Variants in EGF observed in about 807,000 individuals in gnomAD.
EGF encodes the protein epidermal growth factor, also known as pro-epidermal growth factor.
Under a neutral mutation model 143.8 loss-of-function variants are expected in EGF, and 95 were observed. The observed-to-expected ratio is 0.66, with a 90% CI of 0.56 to 0.78. EGF has a LOEUF of 0.78. Ranked by LOEUF, EGF falls within the 30% of genes least tolerant of loss-of-function variation. The pLI is 0.00. For missense variants in EGF, 1,320 were observed against 1,470.9 expected (o/e 0.90, Z 1.68); for synonymous variants, 510 against 510.5 (o/e 1.00, Z 0.01).
In EGF at chr4:109,959,434, G is replaced by T. The variant is rs772589488; in HGVS notation, c.1063G>T (p.Glu355Ter). The T allele has an allele frequency of 1.4e-5, 23 of 1,613,664 alleles. No homozygotes were observed. The highest frequency in any genetic ancestry group is 1.7e-5 in the Non-Finnish European group (20 of 1,179,798). ...YALSRDRKYC[E>*]DVNECAFWNH... ...CCTAAGTCGAGACCGGAAGTACTGTGAAGGTAATGACTGGAAGTACTGTGA... is the reference window on the plus strand; with the variant it reads ...CCTAAGTCGAGACCGGAAGTACTGTTAAGGTAATGACTGGAAGTACTGTGA... Residue 355 changes from glutamate (E) to a stop codon, truncating the protein, a stop_gained, in exon 6 of 24, where the codon GAA (glutamate) becomes TAA (stop). Coordinates refer to ENST00000265171, the MANE Select transcript of EGF (RefSeq NM_001963.6). LOFTEE classifies it high-confidence loss of function.
intron 1 of EGF, among the ~76,000 whole-genome samples, chr4:109,925,307 AC>A (rs781714997): frequency 6.6e-6 from 1 of 152,260 alleles, no homozygotes; most frequent in Non-Finnish European, 1.5e-5. Context: ...TGAAGTAAGT[AC>A]TAAGCAATTA....
chr4:109,980,685 T>A, intron 14 of EGF, 141 bp from the exon 15 acceptor site: 1 of 910,292 alleles, frequency 1.1e-6, no homozygotes, highest in South Asian at 1.4e-5. Context: ...CTGAAATAGC[T>A]ATTGATATAC....
chr4:109,940,837 C>T, intron 1 of EGF, 109 bp from the exon 2 acceptor site: 3 of 1,101,446 alleles, frequency 2.7e-6, no homozygotes, highest in Non-Finnish European at 4.1e-6. Flanking sequence ...AACAGAAAAC[C>T]AGTAATTAAA....
chr4:109,956,021 T>A (rs1744733671), intron 5 of EGF, among the ~76,000 whole-genome samples: 1 of 152,142 alleles, frequency 6.6e-6, no homozygotes, highest in African/African-American at 2.4e-5. Flanking sequence ...CCTGAGACAA[T>A]AGTTGTTTTC....
intron 10 of EGF, among the ~76,000 whole-genome samples, chr4:109,967,457 A>T (rs1469007520): frequency 6.6e-6 from 1 of 152,148 alleles, no homozygotes; most frequent in African/African-American, 2.4e-5. Flanking sequence ...TATAGTATAA[A>T]GTCAGGTACT....
chr4:109,979,473 G>T (rs1323384692), intron 13 of EGF, among the ~76,000 whole-genome samples: 2 of 152,080 alleles, frequency 1.3e-5, no homozygotes, highest in Non-Finnish European at 2.9e-5. Context: ...AAATGTGTTG[G>T]TGGAGATGGG....
At chr4:109,963,002 G>A (rs539969623) in intron 8 of EGF, among the ~76,000 whole-genome samples, 171 bp from the exon 9 acceptor site, 1 of 151,504 alleles carries the variant, frequency 6.6e-6, no homozygotes, top group Admixed American at 6.6e-5. Flanking sequence ...GGGAGGCGGA[G>A]GTTGCAATGA....
intron 1 of EGF, among the ~76,000 whole-genome samples, chr4:109,935,538 C>T (rs920049834): frequency 6.6e-6 from 1 of 152,048 alleles, no homozygotes; most frequent in Non-Finnish European, 1.5e-5. Context: ...AATTGAATAC[C>T]CTTTATTTCT....
chr4:109,987,814 ATGTCAG>A lies in EGF; in HGVS notation c.2566_2571del (p.Gln856_Cys857del), dbSNP rs1476628131. ...GTATTTCAGAGGGAGAGGATGCCAC[ATGTCAG>A]TGTTTGAAAGGATTTGCTGGGGATG... On this transcript the variant is annotated inframe_deletion, in exon 17 of 24. Coordinates refer to ENST00000265171, the MANE Select transcript of EGF (RefSeq NM_001963.6). The A allele has an allele frequency of 6.2e-7, 1 of 1,613,886 alleles. No homozygotes were observed. The highest frequency in any genetic ancestry group is 8.5e-7 in the Non-Finnish European group (1 of 1,179,904).
chr4:109,934,652 A>T (rs1004495946), intron 1 of EGF, among the ~76,000 whole-genome samples: 4 of 152,156 alleles, frequency 2.6e-5, no homozygotes, highest in African/African-American at 9.7e-5. Context: ...TATGTCCTGA[A>T]TGGTATTGCC....
chr4:109,992,178 A>G (rs1254107164), intron 18 of EGF: 1 of 79,938 alleles, frequency 1.3e-5, no homozygotes, highest in African/African-American at 4.0e-5. Flanking sequence ...TTTAAAAAAA[A>G]AAAAAAAAAA....
chr4:109,954,123 C>A (rs747850045), intron 5 of EGF, among the ~76,000 whole-genome samples: 2 of 152,202 alleles, frequency 1.3e-5, no homozygotes, highest in Non-Finnish European at 2.9e-5. Context: ...ATGATCTTGG[C>A]TCACTGCAAC....
intron 21 of EGF, chr4:110,002,086 C>T (rs1244257696): frequency 3.1e-6 from 3 of 968,204 alleles, no homozygotes; most frequent in South Asian, 4.8e-5. Flanking sequence ...GTTAGACATG[C>T]TAACTGTTTT....
intron 20 of EGF, among the ~76,000 whole-genome samples, chr4:109,996,583 C>T (rs1172159784): frequency 6.6e-6 from 1 of 152,176 alleles, no homozygotes; most frequent in Non-Finnish European, 1.5e-5. Flanking sequence ...AAGTGCTTTA[C>T]CCATCCAACT....
rs1745245372 is a variant in EGF at position 109,958,998 on chromosome 4, T to C, written c.941-314T>C. On this transcript the variant is annotated intron_variant, in intron 5 of 23. Coordinates refer to ENST00000265171, the MANE Select transcript of EGF (RefSeq NM_001963.6). ...AGCAGATTATTTCATTTGCAGAATG[T>C]GTGCTTTTTTGTGATAAAAGTACAT... 1.2e-5 allele frequency: 4 copies of C among 334,994 alleles called. No individual in the cohort carries two copies. The South Asian group carries it at 1.3e-4, about 11-fold the overall frequency. 20.8% of individuals were successfully genotyped at this position (334,994 alleles called of 1,614,324 possible).
chr4:109,924,974 C>A (rs1738396020), intron 1 of EGF, among the ~76,000 whole-genome samples: 1 of 152,092 alleles, frequency 6.6e-6, no homozygotes, highest in East Asian at 1.9e-4. Flanking sequence ...TCAGGACAAG[C>A]AAGATATTTG....
Position 109,941,019 on chromosome 4 carries a change from G to A in EGF, c.201G>A (p.Glu67=), listed in dbSNP as rs1041550992. ...FRIDTEGTNY[E]QLVVDAGVSV... is the part of the protein sequence containing the mutation. ...TTGACACAGAAGGAACCAATTATGA[G>A]CAATTGGTGGTGGATGCTGGTGTCT... is the stretch of plus-strand genomic sequence containing the variant. The change falls in exon 2 of 24, where the codon GAG becomes GAA. Residue 67 remains glutamate, a synonymous_variant. Coordinates refer to ENST00000265171, the MANE Select transcript of EGF (RefSeq NM_001963.6). The A allele has an allele frequency of 4.0e-5, 64 of 1,613,862 alleles. No individual in the cohort carries two copies. Among genetic ancestry groups the A allele is most frequent in the Non-Finnish European group, 5.3e-5 (63 of 1,179,906 alleles).
At chr4:109,938,446 C>T (rs535054683) in intron 1 of EGF, among the ~76,000 whole-genome samples, 3 of 152,226 alleles carry the variant, frequency 2.0e-5, no homozygotes, top group South Asian at 4.2e-4. Flanking sequence ...AGCTTCCTTG[C>T]GATGGGTTAG....
intron 8 of EGF, among the ~76,000 whole-genome samples, 179 bp from the exon 9 acceptor site, chr4:109,962,994 G>C (rs1039047100): frequency 1.3e-5 from 2 of 151,548 alleles, no homozygotes; most frequent in African/African-American, 2.4e-5. Context: ...TTGAACTTGG[G>C]AGGCGGAGGT....
Sources: gnomAD v4.1 joint callset for allele counts (sites outside exome capture counted in the v4.1 genomes callset) on GRCh38, gnomAD v4.1.1 for gene constraint, MANE v1.5 for transcripts, NCBI Gene and HGNC (gene_info 2026-07-23, HGNC 2026-07-21) for gene names.